SCLT1: variants seen among roughly 807,000 people sequenced by gnomAD.
SCLT1 encodes the protein sodium channel-associated protein 1.
SCLT1 carries 78 observed loss-of-function variants against 112.8 expected under a neutral mutation model. The ratio of observed to expected loss-of-function variants is 0.69; its 90% CI spans 0.58 to 0.83. The LOEUF is 0.83. Ranked by LOEUF, SCLT1 falls within the 40% of genes least tolerant of loss-of-function variation. SCLT1 has a pLI of 0.00. For synonymous variants in SCLT1, 257 were observed against 254.7 expected, an observed-to-expected ratio of 1.01 and a Z score of -0.09; for missense variants, 747 against 770.4, an observed-to-expected ratio of 0.97 and a Z score of 0.36.
intron 5 of SCLT1, among the ~76,000 whole-genome samples, chr4:129,008,047 G>A (rs141808811): frequency 1.3e-5 from 2 of 152,142 alleles, no homozygotes; most frequent in East Asian, 1.9e-4. Flanking sequence ...CTTCCTAAAT[G>A]TACGGTATTG....
At chr4:129,070,663 T>A (rs1750923223) in intron 2 of SCLT1, among the ~76,000 whole-genome samples, 1 of 152,208 alleles carries the variant, frequency 6.6e-6, no homozygotes, top group African/African-American at 2.4e-5. Flanking sequence ...TCTTGGTTAA[T>A]CTTGTTAATG....
intron 9 of SCLT1, among the ~76,000 whole-genome samples, chr4:128,983,715 A>C (rs565827414): frequency 6.6e-6 from 1 of 152,354 alleles, no homozygotes; most frequent in African/African-American, 2.4e-5. Context: ...AAAACTCTCA[A>C]AATGAAATAT....
intron 4 of SCLT1, chr4:128,874,484 AAAC>A (rs987139588): frequency 1.4e-5 from 2 of 138,512 alleles, no homozygotes; most frequent in Non-Finnish European, 3.0e-5. Flanking sequence ...AAAAAAAACA[AAAC>A]AAAAACAAAA....
intron 5 of SCLT1, among the ~76,000 whole-genome samples, chr4:129,021,816 T>A (rs1454896892): frequency 1.3e-5 from 2 of 152,186 alleles, no homozygotes; most frequent in Non-Finnish European, 2.9e-5. Flanking sequence ...GCGCACCAGC[T>A]CTGCTAAGGG....
chr4:129,068,733 C>T (rs971860611), intron 2 of SCLT1, among the ~76,000 whole-genome samples: 1 of 152,194 alleles, frequency 6.6e-6, no homozygotes, highest in Non-Finnish European at 1.5e-5. Context: ...TGTCTGTTTA[C>T]TCTGCTGACT....
rs1318404332 is a variant in SCLT1, at chr4:128,896,217, C to G, written c.1830-5080G>C. On this transcript the variant is annotated intron_variant, in intron 18 of 20. Coordinates refer to ENST00000281142, the MANE Select transcript of SCLT1 (RefSeq NM_144643.4). ...GTTCTCCCAGCACGCAGCTGGAGAT[C>G]TGAGAACAGACAGACTGCCTCCTCA... Among the ~76,000 whole-genome samples the G allele has an allele frequency of 2.0e-5, 3 of 152,232 alleles. No individual in the cohort carries two copies. The East Asian group carries it at 5.8e-4, about 29-fold the overall frequency.
chr4:129,074,624 T>C (rs1444513091), intron 2 of SCLT1, among the ~76,000 whole-genome samples: 6 of 152,182 alleles, frequency 3.9e-5, no homozygotes, highest in Non-Finnish European at 8.8e-5. Context: ...AAAAAAGCTA[T>C]ACTAAATAAA....
chr4:129,007,296 T>G (rs1478230572), intron 5 of SCLT1, among the ~76,000 whole-genome samples: 1 of 152,062 alleles, frequency 6.6e-6, no homozygotes, highest in Non-Finnish European at 1.5e-5. Flanking sequence ...CTTAACTTAC[T>G]GTTTTTTTTT....
chr4:128,960,882 T>G (rs1260348805), intron 11 of SCLT1, among the ~76,000 whole-genome samples: 1 of 121,902 alleles, frequency 8.2e-6, no homozygotes, highest in Non-Finnish European at 1.6e-5. Context: ...ATTGCGCCAC[T>G]GCAGTCCGCA....
At chr4:129,046,426 C>A (rs1748187423) in intron 2 of SCLT1, among the ~76,000 whole-genome samples, 1 of 152,056 alleles carries the variant, frequency 6.6e-6, no homozygotes. Flanking sequence ...AATATAACCA[C>A]ACAGTATATT....
intron 1 of SCLT1, among the ~76,000 whole-genome samples, chr4:129,085,975 A>G (rs1433119735): frequency 2.0e-5 from 3 of 152,120 alleles, no homozygotes; most frequent in East Asian, 3.9e-4. Flanking sequence ...TTACCTATAT[A>G]ACAAACCTGC....
At chr4:128,923,853 C>A (rs1736076289) in intron 18 of SCLT1, among the ~76,000 whole-genome samples, 4 of 151,876 alleles carry the variant, frequency 2.6e-5, no homozygotes, top group Non-Finnish European at 5.9e-5. Flanking sequence ...GGTCTGTTGC[C>A]CAGGCTGGAG....
At chr4:128,907,520 A>G (rs7664624) in intron 18 of SCLT1, among the ~76,000 whole-genome samples, 3 of 152,214 alleles carry the variant, frequency 2.0e-5, no homozygotes, top group Non-Finnish European at 4.4e-5. Context: ...CCATTCACAG[A>G]AATGGGAAAT....
intron 1 of SCLT1, among the ~76,000 whole-genome samples, chr4:129,085,435 C>T (rs1241033741): frequency 6.6e-6 from 1 of 152,126 alleles, no homozygotes; most frequent in Non-Finnish European, 1.5e-5. Flanking sequence ...TTAGTTCAAC[C>T]ATTGTGGAAG....
intron 6 of SCLT1, 144 bp downstream of exon 6, chr4:129,003,597 G>T: frequency 1.6e-6 from 1 of 623,806 alleles, no homozygotes; most frequent in Non-Finnish European, 2.6e-6. Context: ...TACAAGTGTT[G>T]CTACCTGTAA....
chr4:129,006,877 A>G (rs1245351034), intron 5 of SCLT1, among the ~76,000 whole-genome samples: 1 of 152,184 alleles, frequency 6.6e-6, no homozygotes, highest in East Asian at 1.9e-4. Context: ...TTCTTTTCTA[A>G]TACATACTCT....
intron 13 of SCLT1, among the ~76,000 whole-genome samples, 177 bp from the exon 14 acceptor site, chr4:128,953,017 G>A (rs1191839042): frequency 3.9e-5 from 6 of 152,102 alleles, no homozygotes; most frequent in African/African-American, 1.4e-4. Context: ...AGTGGAAGGA[G>A]AGTGAATAGA....
chr4:128,882,649 G>A (rs149489552), downstream of SCLT1, among the ~76,000 whole-genome samples: 7 of 152,292 alleles, frequency 4.6e-5, no homozygotes, highest in East Asian at 1.4e-3. Flanking sequence ...TGGTCTTAGA[G>A]AGCTTGTACT....
At chr4:128,891,020 T>C (rs1305611671) in intron 19 of SCLT1, 39 bp downstream of exon 19, 4 of 1,400,594 alleles carry the variant, frequency 2.9e-6, no homozygotes, top group Non-Finnish European at 4.1e-6. Flanking sequence ...TGTATCATGC[T>C]GCAGCAGAAA....
Sources: allele counts gnomAD v4.1 joint callset (sites outside exome capture counted in the v4.1 genomes callset), GRCh38; gene constraint gnomAD v4.1.1; transcripts MANE v1.5; gene names NCBI Gene and HGNC (gene_info 2026-07-23, HGNC 2026-07-21).